SHISA9: variants seen among roughly 807,000 people sequenced by gnomAD.
SHISA9 encodes the protein shisa family member 9, also known as protein shisa-9.
A neutral mutation model predicts 38.0 loss-of-function variants in SHISA9; 13 were observed. The observed-to-expected ratio is 0.34, with a 90% confidence interval of 0.22 to 0.54. The LOEUF (loss-of-function observed/expected upper bound fraction) is 0.54, where lower values mean the gene tolerates loss of function less well. Ranked by LOEUF, SHISA9 falls within the 20% of genes least tolerant of loss-of-function variation. The probability of loss-of-function intolerance (pLI) is 0.91; values close to 1 mark genes in which losing one functional copy is unlikely to be tolerated. For synonymous variants in SHISA9, 275 were observed against 242.0 expected (o/e 1.14, Z -1.27); for missense variants, 538 against 575.8 (o/e 0.93, Z 0.67).
chr16:12,997,142 C>T (rs2072467100), intron 2 of SHISA9, among the ~76,000 whole-genome samples: 1 of 152,090 alleles, frequency 6.6e-6, no homozygotes, highest in African/African-American at 2.4e-5. Context: ...TTCAGCCCCA[C>T]CCATCCCTCA....
intron 2 of SHISA9, among the ~76,000 whole-genome samples, chr16:13,015,572 A>G (rs1303101886): frequency 6.6e-6 from 1 of 152,164 alleles, no homozygotes; most frequent in African/African-American, 2.4e-5. Flanking sequence ...TTTTTGAACC[A>G]ATGCTTTTGA....
intron 2 of SHISA9, among the ~76,000 whole-genome samples, chr16:13,186,767 T>G (rs922243813): frequency 3.3e-5 from 5 of 152,186 alleles, no homozygotes; most frequent in African/African-American, 1.2e-4. Context: ...CTACTTTCCA[T>G]CTCTATGAAT....
intron 1 of SHISA9, chr16:12,910,861 C>A (rs775124069): frequency 4.5e-6 from 2 of 439,774 alleles, no homozygotes; most frequent in African/African-American, 4.3e-5. Context: ...AGAATTCTCT[C>A]TTTTTGGGGC....
intron 2 of SHISA9, among the ~76,000 whole-genome samples, chr16:13,184,152 G>A (rs59328999): frequency 0.13 from 19,754 of 152,164 alleles, 1,475 homozygotes; most frequent in Middle Eastern, 0.18. Context: ...AAATTGAGAA[G>A]CCAGATGGTT....
the SHISA9 span, among the ~76,000 whole-genome samples, chr16:13,280,100 A>G: frequency 7.6e-5 from 9 of 117,692 alleles, no homozygotes; most frequent in African/African-American, 2.8e-4. Context: ...AGTAATTTGT[A>G]TCTTCTCTCT....
At position 13,001,175 on chromosome 16, in the gene SHISA9, G is replaced by A. The variant is rs578055982; in HGVS notation, c.691+84360G>A. Among the ~76,000 whole-genome samples the A allele has an allele frequency of 1.2e-4, 18 of 152,296 alleles. No homozygotes were observed. The East Asian group carries it at 3.1e-3, about 26-fold the overall frequency. The stretch of plus-strand genomic sequence containing the variant: ...ACTCCTGACATCAGGTGATCTGCCC[G>A]CCTTGGCCTCCCAAAGTGCTGGGAT... On this transcript the variant is annotated intron_variant, in intron 2 of 4. Coordinates refer to ENST00000558583, the MANE Select transcript of SHISA9 (RefSeq NM_001145204.3).
chr16:13,341,899 C>T, the SHISA9 span, among the ~76,000 whole-genome samples: 1 of 152,158 alleles, frequency 6.6e-6, no homozygotes, highest in Non-Finnish European at 1.5e-5. Flanking sequence ...TGTTCCAATC[C>T]TTTTCTGTGA....
chr16:13,158,473 TCCTGGGAGGAC>T (rs1279345144), intron 2 of SHISA9, among the ~76,000 whole-genome samples: 1 of 152,292 alleles, frequency 6.6e-6, no homozygotes, highest in East Asian at 1.9e-4. Flanking sequence ...ACAAAAGCTG[TCCTGGGAGGAC>T]CCTGCTATTG....
the SHISA9 span, among the ~76,000 whole-genome samples, chr16:13,308,568 A>C: frequency 6.6e-6 from 1 of 152,206 alleles, no homozygotes. Context: ...CAATGACGGT[A>C]ATCTTCAAAT....
At position 13,240,174 on chromosome 16, in the gene SHISA9, C is replaced by T. The variant is rs536719052; in HGVS notation, c.*4765C>T. On this transcript the variant is annotated 3_prime_UTR_variant, in exon 5 of 5. Transcript: ENST00000558583. ...CTCCGCCTGGCCTCCCCATCTAACT[C>T]TTCCCAGTTTTTTGTGTAAATGGAG... The T allele has an allele frequency of 8.5e-5, 13 of 152,344 alleles. No individual in the cohort carries two copies. The highest frequency in any genetic ancestry group is 7.8e-4 in the Admixed American group (12 of 15,292). The allele number at this position is 152,344 out of a possible 1,614,324, so 9.4% of individuals were successfully genotyped here.
At chr16:13,460,131 TTGAGTGTCTAC>T in the SHISA9 span, among the ~76,000 whole-genome samples, 27 of 152,274 alleles carry the variant, frequency 1.8e-4, no homozygotes, top group African/African-American at 6.3e-4. Flanking sequence ...TGGACAGTGA[TTGAGTGTCTAC>T]TGCATACCCA....
At chr16:13,122,149 T>A (rs1265396061) in intron 2 of SHISA9, among the ~76,000 whole-genome samples, 1 of 152,196 alleles carries the variant, frequency 6.6e-6, no homozygotes, top group Non-Finnish European at 1.5e-5. Flanking sequence ...AATGCTTTTG[T>A]TGAAGAAGTA....
chr16:13,367,652 G>GGGA, the SHISA9 span, among the ~76,000 whole-genome samples: 1 of 6,214 alleles, frequency 1.6e-4, no homozygotes. Context: ...CAAGTAGGAT[G>GGGA]CGGGGGGGAA....
the SHISA9 span, among the ~76,000 whole-genome samples, chr16:13,292,236 A>T: frequency 6.6e-6 from 1 of 151,858 alleles, no homozygotes; most frequent in Non-Finnish European, 1.5e-5. Flanking sequence ...TTACAATTCA[A>T]ACTACGTGTG....
chr16:12,916,856 G>T lies in SHISA9; in HGVS notation c.691+41G>T, dbSNP rs371940603. ...TGAACCATTTCCAGTCCCATGGGGT[G>T]ACCTGAGCAGTGGTCACATTGCCAG... On this transcript the variant is annotated intron_variant, in intron 2 of 4. Transcript: ENST00000558583. 3.8e-5 allele frequency: 58 copies of T among 1,540,636 alleles called. 1 individual carries two copies. The East Asian group carries it at 5.9e-4, about 16-fold the overall frequency.
At chr16:13,253,419 T>C in the SHISA9 span, among the ~76,000 whole-genome samples, 2 of 152,162 alleles carry the variant, frequency 1.3e-5, no homozygotes, top group African/African-American at 4.8e-5. Context: ...TGTTCTCCAC[T>C]GCTAATAAAG....
intron 2 of SHISA9, among the ~76,000 whole-genome samples, chr16:12,995,160 A>C (rs1005637861): frequency 6.6e-6 from 1 of 152,142 alleles, no homozygotes; most frequent in African/African-American, 2.4e-5. Context: ...CATGTGTGCA[A>C]GGTGTAAAAA....
At chr16:13,300,923 C>T in the SHISA9 span, among the ~76,000 whole-genome samples, 2 of 151,288 alleles carry the variant, frequency 1.3e-5, no homozygotes, top group South Asian at 4.2e-4. Flanking sequence ...CCACCTCCTC[C>T]TTCTTCTTTC....
chr16:13,191,228 C>T (rs1355792353), intron 2 of SHISA9, among the ~76,000 whole-genome samples: 3 of 152,208 alleles, frequency 2.0e-5, no homozygotes, highest in Non-Finnish European at 1.5e-5. Context: ...AATGTCTATT[C>T]TCCTTTTTTG....
Sources: gnomAD v4.1 joint callset for allele counts (sites outside exome capture counted in the v4.1 genomes callset) on GRCh38, gnomAD v4.1.1 for gene constraint, MANE v1.5 for transcripts, NCBI Gene and HGNC (gene_info 2026-07-23, HGNC 2026-07-21) for gene names.